The following GPT2 variants were observed in gnomAD, a reference collection of about 807,000 sequenced individuals.
The protein encoded by GPT2 is glutamic--pyruvic transaminase 2.
A neutral mutation model predicts 56.9 loss-of-function variants in GPT2; 30 were observed. That is an observed-to-expected ratio of 0.53 (90% CI 0.39 to 0.72). GPT2 has a LOEUF of 0.72. Ranked by LOEUF, GPT2 falls within the 30% of genes least tolerant of loss-of-function variation. GPT2 has a pLI of 0.00. For synonymous variants in GPT2, 271 were observed against 283.1 expected, an observed-to-expected ratio of 0.96 and a Z score of 0.43; for missense variants, 542 against 703.4, an observed-to-expected ratio of 0.77 and a Z score of 2.60.
At position 46,884,789 on chromosome 16, in the gene GPT2, G is replaced by C. The variant is rs1179847611; in HGVS notation, c.74G>C (p.Ser25Thr). The C allele has an allele frequency of 1.3e-6, 2 of 1,524,218 alleles. No individual in the cohort carries two copies. The allele number at this position is 1,524,218 out of a possible 1,614,324, so 94.4% of individuals were successfully genotyped here. Residue 25 changes from serine to threonine, a missense_variant, in exon 2 of 12, where the codon AGC (serine) becomes ACC (threonine). Transcript: ENST00000340124. Reference sequence around the variant, plus strand: ...CCCAGCTCCTGGGGCCGCAGCCAGAGCAGCGCGGCCGCCGAGGCCTCGGCG... The same window carrying C: ...CCCAGCTCCTGGGGCCGCAGCCAGACCAGCGCGGCCGCCGAGGCCTCGGCG... Reference protein sequence around the residue: ...RTPSSWGRSQSSAAAEASAVL... With the variant: ...RTPSSWGRSQTSAAAEASAVL...
At chr16:46,920,230 G>A (rs1223243294) in intron 8 of GPT2, among the ~76,000 whole-genome samples, 1 of 152,228 alleles carries the variant, frequency 6.6e-6, no homozygotes, top group African/African-American at 2.4e-5. Flanking sequence ...AGATGAGGAA[G>A]GCTGAGGGTG....
chr16:46,927,974 G>A (rs1961451352), intron 11 of GPT2, among the ~76,000 whole-genome samples: 1 of 152,106 alleles, frequency 6.6e-6, no homozygotes, highest in South Asian at 2.1e-4. Flanking sequence ...CCTCAGGTAG[G>A]AGTGAAATCT....
chr16:46,898,698 C>T (rs1403755015), intron 3 of GPT2, among the ~76,000 whole-genome samples: 2 of 149,136 alleles, frequency 1.3e-5, no homozygotes, highest in African/African-American at 5.0e-5. Flanking sequence ...TACAGGCATG[C>T]ACCACCACGC....
intron 4 of GPT2, among the ~76,000 whole-genome samples, chr16:46,904,284 A>G (rs1445328380): frequency 6.6e-6 from 1 of 152,158 alleles, no homozygotes; most frequent in East Asian, 1.9e-4. Flanking sequence ...AGTGGCTTAC[A>G]CCTGTAATCC....
intron 4 of GPT2, among the ~76,000 whole-genome samples, chr16:46,903,953 C>T (rs1260843470): frequency 1.3e-5 from 2 of 152,192 alleles, no homozygotes; most frequent in Non-Finnish European, 2.9e-5. Flanking sequence ...GGAAACGTGG[C>T]ATTCACGCTC....
chr16:46,907,191 A>G (rs1960948240), intron 5 of GPT2, among the ~76,000 whole-genome samples: 1 of 152,172 alleles, frequency 6.6e-6, no homozygotes, highest in South Asian at 2.1e-4. Flanking sequence ...CGGAGTGCAC[A>G]CCAGCAGGTC....
intron 6 of GPT2, among the ~76,000 whole-genome samples, chr16:46,911,865 G>A (rs1238340146): frequency 1.3e-5 from 2 of 152,320 alleles, no homozygotes; most frequent in South Asian, 2.1e-4. Flanking sequence ...TCTTGGCCAG[G>A]TGTTTACATA....
intron 2 of GPT2, among the ~76,000 whole-genome samples, chr16:46,886,964 C>T (rs913760669): frequency 6.6e-6 from 1 of 152,148 alleles, no homozygotes; most frequent in Non-Finnish European, 1.5e-5. Context: ...AGTCTCAGTT[C>T]CCCGGCTGTG....
Position 46,912,334 on chromosome 16 carries a change from C to T in GPT2, c.820+2407C>T, listed in dbSNP as rs376932117. On this transcript the variant is annotated intron_variant, in intron 6 of 11. Transcript: ENST00000340124. ...CTGTACCTTCCTCTGGGTTGCAGTC[C>T]TCAGGAAGAATCCATCCTTGGAGTG... Among the ~76,000 whole-genome samples the T allele has an allele frequency of 5.3e-5, 8 of 152,288 alleles. No individual in the cohort carries two copies. In the East Asian group the frequency reaches 1.5e-3, roughly 29 times the overall value.
At chr16:46,901,013 C>T (rs1960807016) in intron 4 of GPT2, among the ~76,000 whole-genome samples, 1 of 152,148 alleles carries the variant, frequency 6.6e-6, no homozygotes, top group Non-Finnish European at 1.5e-5. Flanking sequence ...GTGCAAGTGC[C>T]TGCATCATGC....
rs945305834 is a variant in GPT2, at chr16:46,930,352, C to G, written c.*1355C>G. The G allele has an allele frequency of 6.6e-6, 1 of 152,330 alleles. No individual in the cohort carries two copies. The highest frequency in any genetic ancestry group is 2.4e-5 in the African/African-American group (1 of 41,480). The allele number at this position is 152,330 out of a possible 1,614,324, so 9.4% of individuals were successfully genotyped here. The stretch of plus-strand genomic sequence containing the variant: ...TCCCCAGTGGGAAGTTAGGGAAGCT[C>G]AGGAGCCTGGGACCCCGCATGTCCC... On this transcript the variant is annotated 3_prime_UTR_variant, in exon 12 of 12. Coordinates refer to ENST00000340124, the MANE Select transcript of GPT2 (RefSeq NM_133443.4).
intron 6 of GPT2, among the ~76,000 whole-genome samples, chr16:46,913,848 G>C (rs949865998): frequency 6.6e-6 from 1 of 152,144 alleles, no homozygotes. Flanking sequence ...TGAGGTTGGT[G>C]GATGGCCTGA....
At chr16:46,900,620 G>C in intron 3 of GPT2, 62 bp from the exon 4 acceptor site, 3 of 1,313,738 alleles carry the variant, frequency 2.3e-6, no homozygotes, top group Non-Finnish European at 3.3e-6. Context: ...TGGCCTCTGT[G>C]CTCCTCCTGG....
At chr16:46,915,524 C>T (rs1961132663) in intron 6 of GPT2, 1 of 148,378 alleles carries the variant, frequency 6.7e-6, no homozygotes, top group South Asian at 2.2e-4. Context: ...ACACACACAC[C>T]ACACAGACAC....
Position 46,884,882 on chromosome 16 carries a change from A to C in GPT2, c.167A>C (p.Gln56Pro). 4 of 1,544,048 alleles carry C rather than the reference A, an allele frequency of 2.6e-6. No individual in the cohort carries two copies. The highest frequency in any genetic ancestry group is 1.2e-5 in the South Asian group (1 of 83,350). Reference sequence around the variant, plus strand: ...CTCACGCTGGAGTCCATGAACCCGCAGGTGAAGGCGGTGGAGTACGCCGTG... The same window carrying C: ...CTCACGCTGGAGTCCATGAACCCGCCGGTGAAGGCGGTGGAGTACGCCGTG... The part of the protein sequence containing the change: ...RILTLESMNP[Q>P]VKAVEYAVRG... Residue 56 changes from glutamine to proline, a missense_variant, in exon 2 of 12, where the codon CAG (glutamine) becomes CCG (proline). Physicochemically the swap from Gln to Pro is moderately conservative, Grantham distance 76. Transcript: ENST00000340124.
intron 8 of GPT2, among the ~76,000 whole-genome samples, chr16:46,920,505 G>T (rs1396468811): frequency 4.6e-5 from 7 of 152,258 alleles, no homozygotes; most frequent in African/African-American, 1.7e-4. Context: ...GGAAGCCACA[G>T]AGACTGAGGA....
intron 2 of GPT2, among the ~76,000 whole-genome samples, chr16:46,887,554 G>C (rs1567331734): frequency 6.6e-6 from 1 of 152,156 alleles, no homozygotes. Context: ...CTGGGCCTCA[G>C]GTTCCCTAGA....
In GPT2 at chr16:46,906,837, T is replaced by C. The variant is rs1225795950; in HGVS notation, c.443-5T>C. On this transcript the variant is annotated splice_region_variant and splice_polypyrimidine_tract_variant and intron_variant, in intron 4 of 11. Transcript: ENST00000340124. ...TCTGTTACTGTCTTGCCTGCTGTCTTACAGGGTCCTACAGTGCTAGCCAGG... is the reference window on the plus strand; with the variant it reads ...TCTGTTACTGTCTTGCCTGCTGTCTCACAGGGTCCTACAGTGCTAGCCAGG... 1 of 1,614,108 alleles carries C rather than the reference T, an allele frequency of 6.2e-7. No individual in the cohort carries two copies. Among genetic ancestry groups the C allele is most frequent in the Non-Finnish European group, 8.5e-7 (1 of 1,179,972 alleles).
intron 2 of GPT2, among the ~76,000 whole-genome samples, chr16:46,894,167 C>G (rs2143368943): frequency 6.6e-6 from 1 of 152,342 alleles, no homozygotes; most frequent in South Asian, 2.1e-4. Context: ...GCTGTGTTCC[C>G]AGGCTTCGCG....
Sources: allele counts gnomAD v4.1 joint callset (sites outside exome capture counted in the v4.1 genomes callset), GRCh38; gene constraint gnomAD v4.1.1; transcripts MANE v1.5; gene names NCBI Gene and HGNC (gene_info 2026-07-23, HGNC 2026-07-21).